ROR1: variants seen among roughly 807,000 people sequenced by gnomAD.
ROR1 encodes inactive tyrosine-protein kinase transmembrane receptor ROR1.
ROR1 carries 19 observed loss-of-function variants against 78.8 expected under a neutral mutation model. The observed-to-expected ratio is 0.24, with a 90% CI of 0.17 to 0.35. ROR1 has a LOEUF of 0.35. ROR1 is among the 10% of genes least tolerant of loss of function. ROR1 has a pLI of 1.00. For missense variants in ROR1, 917 were observed against 1,177.8 expected (o/e 0.78, Z 3.24); for synonymous variants, 386 against 433.6 (o/e 0.89, Z 1.36).
intron 1 of ROR1, among the ~76,000 whole-genome samples, chr1:63,895,335 G>A (rs1307667268): frequency 6.6e-6 from 1 of 152,170 alleles, no homozygotes; most frequent in Non-Finnish European, 1.5e-5. Flanking sequence ...GTGGGATATA[G>A]TATTGTCTTT....
intron 1 of ROR1, among the ~76,000 whole-genome samples, chr1:63,945,260 A>G (rs1569953540): frequency 1.3e-5 from 2 of 152,222 alleles, no homozygotes; most frequent in Non-Finnish European, 2.9e-5. Context: ...AAAAGATCAT[A>G]TCTCGGTATA....
intron 1 of ROR1, among the ~76,000 whole-genome samples, chr1:63,903,242 T>C (rs1235972033): frequency 6.6e-6 from 1 of 152,226 alleles, no homozygotes; most frequent in Non-Finnish European, 1.5e-5. Flanking sequence ...GTTAGCTAAC[T>C]TTTTTGAATG....
chr1:63,879,462 C>T (rs887090820), intron 1 of ROR1, among the ~76,000 whole-genome samples: 7 of 151,970 alleles, frequency 4.6e-5, no homozygotes, highest in African/African-American at 1.4e-4. Context: ...AGATGAGGGC[C>T]GATGCCACAG....
At chr1:64,136,121 C>A (rs1455116348) in intron 4 of ROR1, among the ~76,000 whole-genome samples, 2 of 152,120 alleles carry the variant, frequency 1.3e-5, no homozygotes, top group East Asian at 3.9e-4. Flanking sequence ...CATATATTAT[C>A]TCTACAATTT....
intron 2 of ROR1, among the ~76,000 whole-genome samples, chr1:64,046,540 A>C (rs189920748): frequency 1.4e-4 from 22 of 152,336 alleles, no homozygotes; most frequent in African/African-American, 4.8e-4. Context: ...AGAGCAGATC[A>C]GGTGAGGTGC....
At chr1:63,916,831 G>A (rs981524925) in intron 1 of ROR1, among the ~76,000 whole-genome samples, 1 of 152,154 alleles carries the variant, frequency 6.6e-6, no homozygotes, top group Non-Finnish European at 1.5e-5. Context: ...GTTACTCACT[G>A]CATTAAGGGT....
At chr1:63,814,483 T>C (rs1569757579) in intron 1 of ROR1, among the ~76,000 whole-genome samples, 1 of 152,088 alleles carries the variant, frequency 6.6e-6, no homozygotes, top group Non-Finnish European at 1.5e-5. Flanking sequence ...TATTGTGCAC[T>C]TTATTTCTGT....
intron 1 of ROR1, among the ~76,000 whole-genome samples, chr1:63,825,324 A>G (rs1267201650): frequency 2.6e-5 from 4 of 152,358 alleles, no homozygotes; most frequent in African/African-American, 4.8e-5. Context: ...GTATATCTAT[A>G]CAATAGAATA....
chr1:63,928,092 G>T (rs1184001128), intron 1 of ROR1, among the ~76,000 whole-genome samples: 1 of 152,048 alleles, frequency 6.6e-6, no homozygotes, highest in African/African-American at 2.4e-5. Context: ...TTGTCAAATG[G>T]CCAATTCCAT....
Position 63,774,274 on chromosome 1 carries a change from A to G in ROR1, c.-144A>G. On this transcript the variant is annotated 5_prime_UTR_variant, in exon 1 of 9. Coordinates refer to ENST00000371079, the MANE Select transcript of ROR1 (RefSeq NM_005012.4). The surrounding 1 kb of genome is among the most constrained non-coding windows in gnomAD (Gnocchi z 5.7). ...AGGCGGAGGCGAGGGAGCAGGTTAG[A>G]GGGACAAAGAGCTTTGCAGACGTCC... 2.5e-6 allele frequency: 1 copy of G among 397,232 alleles called. No homozygotes were observed. The highest frequency in any genetic ancestry group is 4.2e-6 in the Non-Finnish European group (1 of 237,110). 24.6% of individuals were successfully genotyped at this position (397,232 alleles called of 1,614,324 possible). A position where few individuals can be genotyped will look rare whatever the true frequency, so the allele number is the denominator to read the frequency against.
intron 1 of ROR1, among the ~76,000 whole-genome samples, chr1:63,909,672 T>A (rs1364018207): frequency 6.6e-6 from 1 of 152,218 alleles, no homozygotes; most frequent in Non-Finnish European, 1.5e-5. Context: ...GGTGAGGCAC[T>A]GTACACATCT....
intron 1 of ROR1, among the ~76,000 whole-genome samples, chr1:63,866,421 G>A (rs1323085120): frequency 6.6e-6 from 1 of 152,160 alleles, no homozygotes; most frequent in Non-Finnish European, 1.5e-5. Flanking sequence ...AGGTGTCTAC[G>A]ACATCTCCCC....
intron 1 of ROR1, among the ~76,000 whole-genome samples, chr1:63,785,843 C>T (rs538414663): frequency 6.6e-5 from 10 of 152,160 alleles, no homozygotes; most frequent in African/African-American, 1.7e-4. Context: ...CAACAATTTT[C>T]GATGATGTTC....
At chr1:64,157,657 CTCA>C (rs1292252031) in intron 7 of ROR1, among the ~76,000 whole-genome samples, 1 of 152,168 alleles carries the variant, frequency 6.6e-6, no homozygotes, top group Non-Finnish European at 1.5e-5. Flanking sequence ...ACTAGGGTAA[CTCA>C]TCATTTAAAG....
intron 1 of ROR1, among the ~76,000 whole-genome samples, chr1:63,992,198 T>TATA (rs1646301945): frequency 6.6e-6 from 1 of 151,250 alleles, no homozygotes; most frequent in African/African-American, 2.4e-5. Flanking sequence ...TTATTATTAT[T>TATA]ATATTTATTT....
chr1:64,028,221 A>G (rs1164543401), intron 2 of ROR1, among the ~76,000 whole-genome samples: 1 of 152,130 alleles, frequency 6.6e-6, no homozygotes. Context: ...AATTCACTCA[A>G]CAAGCATTTG....
rs188426747 is a variant in ROR1, at chr1:64,065,221, C to G, written c.482+14505C>G. On this transcript the variant is annotated intron_variant, in intron 4 of 8. Coordinates refer to ENST00000371079, the MANE Select transcript of ROR1 (RefSeq NM_005012.4). ...AAAAACTAATAGACTATTACTTCCC[C>G]ATTTACTCACACAAGGAGACTCAGC... 2.3e-4 allele frequency among the ~76,000 whole-genome samples: 35 copies of G among 152,256 alleles called. No individual in the cohort carries two copies. The East Asian group carries it at 6.4e-3, about 28-fold the overall frequency.
intron 1 of ROR1, among the ~76,000 whole-genome samples, chr1:63,856,950 G>A (rs142854388): frequency 2.6e-5 from 4 of 151,956 alleles, no homozygotes; most frequent in African/African-American, 4.8e-5. Flanking sequence ...CTCTCCCTGC[G>A]TTGTTCTTGC....
chr1:63,867,399 C>T (rs886856581), intron 1 of ROR1, among the ~76,000 whole-genome samples: 3 of 152,030 alleles, frequency 2.0e-5, no homozygotes, highest in African/African-American at 7.2e-5. Flanking sequence ...GTGGAGATGG[C>T]GAGCCCAGTT....
Sources: gnomAD v4.1 joint callset for allele counts (sites outside exome capture counted in the v4.1 genomes callset) on GRCh38, gnomAD v4.1.1 for gene constraint, Gnocchi (gnomAD v3.1) non-coding constraint, MANE v1.5 for transcripts, NCBI Gene and HGNC (gene_info 2026-07-23, HGNC 2026-07-21) for gene names.